The following CDH13 variants were observed in gnomAD, a reference collection of about 807,000 sequenced individuals.
CDH13 encodes cadherin-13.
A neutral mutation model predicts 63.8 loss-of-function variants in CDH13; 24 were observed. The observed-to-expected ratio is 0.38, with a 90% CI of 0.27 to 0.53. The LOEUF (loss-of-function observed/expected upper bound fraction) is 0.53, where lower values mean the gene tolerates loss of function less well. Ranked by LOEUF, CDH13 falls within the 20% of genes least tolerant of loss-of-function variation. The pLI, the probability that CDH13 is intolerant of heterozygous loss-of-function variation, is 0.85. For missense variants in CDH13, 1,049 were observed against 903.1 expected (o/e 1.16, Z -2.07); for synonymous variants, 503 against 355.3 (o/e 1.42, Z -4.67).
At chr16:83,174,547 G>A (rs146408772) in intron 4 of CDH13, among the ~76,000 whole-genome samples, 4 of 152,038 alleles carry the variant, frequency 2.6e-5, no homozygotes, top group African/African-American at 9.6e-5. Context: ...GTATGTAGAA[G>A]CTCAATTCAG....
At chr16:82,811,004 A>G (rs1676585046) in intron 1 of CDH13, among the ~76,000 whole-genome samples, 1 of 152,174 alleles carries the variant, frequency 6.6e-6, no homozygotes, top group Non-Finnish European at 1.5e-5. Flanking sequence ...TGGGCAGTCC[A>G]TCTCAGATCC....
chr16:82,797,494 A>G (rs2036640236), intron 1 of CDH13, among the ~76,000 whole-genome samples: 1 of 152,100 alleles, frequency 6.6e-6, no homozygotes, highest in African/African-American at 2.4e-5. Context: ...TCATCACATC[A>G]CTTTTGGCAC....
intron 2 of CDH13, among the ~76,000 whole-genome samples, chr16:83,012,049 G>A (rs779046235): frequency 1.3e-5 from 2 of 152,144 alleles, no homozygotes; most frequent in African/African-American, 2.4e-5. Context: ...GACTAGGTCT[G>A]TGTTACCCAG....
intron 6 of CDH13, among the ~76,000 whole-genome samples, chr16:83,427,563 T>C (rs981092194): frequency 6.6e-6 from 1 of 152,176 alleles, no homozygotes; most frequent in African/African-American, 2.4e-5. Flanking sequence ...ATCAGAGTTG[T>C]TTTAAGTCAC....
intron 5 of CDH13, among the ~76,000 whole-genome samples, chr16:83,343,519 T>C (rs1441270997): frequency 6.6e-6 from 1 of 152,178 alleles, no homozygotes; most frequent in East Asian, 1.9e-4. Context: ...GAGTCTTTCG[T>C]GGTTTCTGTT....
Position 83,357,635 on chromosome 16 carries a change from C to T in CDH13, c.781+12629C>T, listed in dbSNP as rs377713913. On this transcript the variant is annotated intron_variant, in intron 6 of 13. Coordinates refer to ENST00000567109, the MANE Select transcript of CDH13 (RefSeq NM_001257.5). ...GGGAAGAAGAGGGTACAACTGGCAT[C>T]GAGCGGGCCAAGGTCAAGGACTGGT... Among the ~76,000 whole-genome samples the T allele has an allele frequency of 5.3e-5, 8 of 152,246 alleles. No individual in the cohort carries two copies. In the East Asian group the frequency reaches 5.8e-4, roughly 11 times the overall value.
At chr16:83,471,832 C>G (rs534262336) in intron 6 of CDH13, among the ~76,000 whole-genome samples, 51 of 152,186 alleles carry the variant, frequency 3.4e-4, no homozygotes, top group Non-Finnish European at 6.3e-4. Context: ...CCTCTTGAGT[C>G]TCATCGAGCA....
At chr16:82,732,646 G>C (rs1201647629) in intron 1 of CDH13, among the ~76,000 whole-genome samples, 1 of 152,188 alleles carries the variant, frequency 6.6e-6, no homozygotes, top group Non-Finnish European at 1.5e-5. Flanking sequence ...CAAAAGCCAA[G>C]AGATAAAAGC....
chr16:83,180,416 T>A (rs1371015460), intron 4 of CDH13, among the ~76,000 whole-genome samples: 2 of 152,166 alleles, frequency 1.3e-5, no homozygotes, highest in Non-Finnish European at 2.9e-5. Context: ...ATTATCATAA[T>A]CTATGTTTTT....
intron 1 of CDH13, among the ~76,000 whole-genome samples, chr16:82,812,443 A>G (rs1006573397): frequency 6.6e-6 from 1 of 152,140 alleles, no homozygotes; most frequent in African/African-American, 2.4e-5. Flanking sequence ...CCTAAAAATG[A>G]GACTTTGGAG....
chr16:82,710,173 A>G (rs1597377626), intron 1 of CDH13, among the ~76,000 whole-genome samples: 1 of 146,206 alleles, frequency 6.8e-6, no homozygotes, highest in East Asian at 1.9e-4. Context: ...TTATAAATTT[A>G]ATTTATAAAT....
At chr16:83,600,269 C>G (rs997163595) in intron 7 of CDH13, among the ~76,000 whole-genome samples, 2 of 152,178 alleles carry the variant, frequency 1.3e-5, no homozygotes, top group African/African-American at 4.8e-5. Context: ...ACCTTCGATC[C>G]TGGCGGAGCT....
Position 83,413,138 on chromosome 16 carries a change from T to C in CDH13, c.781+68132T>C, listed in dbSNP as rs2092151795. On this transcript the variant is annotated intron_variant, in intron 6 of 13. Coordinates refer to ENST00000567109, the MANE Select transcript of CDH13 (RefSeq NM_001257.5). The stretch of plus-strand genomic sequence containing the variant: ...CTGTATTTAATTGGAAGTGTTTTAG[T>C]ATAATGTTATTGTAATACTCAAATG... Among the ~76,000 whole-genome samples, 3 of 152,210 alleles carry C rather than the reference T, an allele frequency of 2.0e-5. 1 individual carries two copies. The South Asian group carries it at 6.2e-4, about 31-fold the overall frequency.
chr16:83,671,579 A>G lies in CDH13; in HGVS notation c.1284+607A>G, dbSNP rs117957102. ...TTAAGTTTTAAATGAAATTCTTTAT[A>G]CATTTGCTAAGGAATTATTAACAGA... On this transcript the variant is annotated intron_variant, in intron 9 of 13. Transcript: ENST00000567109. Among the ~76,000 whole-genome samples, 60 of 152,298 alleles carry G rather than the reference A, an allele frequency of 3.9e-4. 1 individual carries two copies. The East Asian group carries it at 8.3e-3, about 21-fold the overall frequency.
chr16:83,633,484 G>A (rs1323441822), intron 8 of CDH13, among the ~76,000 whole-genome samples: 1 of 152,210 alleles, frequency 6.6e-6, no homozygotes, highest in East Asian at 1.9e-4. Context: ...AGTTAGCTGA[G>A]TCAGCACAAA....
intron 3 of CDH13, among the ~76,000 whole-genome samples, chr16:83,082,087 A>G (rs545999305): frequency 1.3e-5 from 2 of 152,298 alleles, no homozygotes; most frequent in East Asian, 3.9e-4. Flanking sequence ...GGCCTGAGCC[A>G]CTGTGCCCGG....
At chr16:82,865,806 G>A (rs936038050) in intron 2 of CDH13, among the ~76,000 whole-genome samples, 1 of 152,170 alleles carries the variant, frequency 6.6e-6, no homozygotes, top group South Asian at 2.1e-4. Flanking sequence ...CCCAGAAAAT[G>A]TTTTTTTCTT....
chr16:83,388,732 G>A (rs2091728014), intron 6 of CDH13, among the ~76,000 whole-genome samples: 1 of 152,172 alleles, frequency 6.6e-6, no homozygotes, highest in African/African-American at 2.4e-5. Context: ...GTGGTATGCT[G>A]AGAGTCCCCT....
intron 10 of CDH13, among the ~76,000 whole-genome samples, chr16:83,727,900 C>G (rs1910598933): frequency 6.6e-6 from 1 of 152,160 alleles, no homozygotes; most frequent in Non-Finnish European, 1.5e-5. Context: ...GGGCTCGCTT[C>G]TCAAAGGAGC....
Sources: gnomAD v4.1 joint callset for allele counts (sites outside exome capture counted in the v4.1 genomes callset) on GRCh38, gnomAD v4.1.1 for gene constraint, MANE v1.5 for transcripts, NCBI Gene and HGNC (gene_info 2026-07-23, HGNC 2026-07-21) for gene names.